The following SEMA5A variants were observed in gnomAD, a reference collection of about 807,000 sequenced individuals.
SEMA5A encodes semaphorin-5A.
In SEMA5A, 55 loss-of-function variants were observed where a neutral mutation model predicts 135.5. The observed-to-expected ratio is 0.41, with a 90% CI of 0.33 to 0.51. The LOEUF (loss-of-function observed/expected upper bound fraction) is 0.51, where lower values mean the gene tolerates loss of function less well. Ranked by LOEUF, SEMA5A falls within the 20% of genes least tolerant of loss-of-function variation. The pLI is 0.37. For synonymous variants in SEMA5A, 580 were observed against 546.5 expected (o/e 1.06, Z -0.85); for missense variants, 1,290 against 1,419.9 (o/e 0.91, Z 1.47).
At chr5:9,115,793 T>C (rs1287322454) in intron 15 of SEMA5A, among the ~76,000 whole-genome samples, 5 of 152,168 alleles carry the variant, frequency 3.3e-5, no homozygotes, top group Non-Finnish European at 7.3e-5. Flanking sequence ...CCTCCTGATA[T>C]TCATACCCTG....
At chr5:9,290,505 G>A (rs369383769) in intron 5 of SEMA5A, among the ~76,000 whole-genome samples, 1 of 152,060 alleles carries the variant, frequency 6.6e-6, no homozygotes, top group Non-Finnish European at 1.5e-5. Flanking sequence ...TATTGCATGA[G>A]TTTCTTTTGG....
intron 5 of SEMA5A, among the ~76,000 whole-genome samples, chr5:9,292,394 G>A (rs1012932775): frequency 6.6e-6 from 1 of 152,136 alleles, no homozygotes; most frequent in African/African-American, 2.4e-5. Flanking sequence ...AGAGGGAACT[G>A]AAATACAGTG....
intron 5 of SEMA5A, among the ~76,000 whole-genome samples, chr5:9,243,317 G>C (rs1748307797): frequency 6.6e-6 from 1 of 152,090 alleles, no homozygotes; most frequent in African/African-American, 2.4e-5. Flanking sequence ...CTCATCGCAT[G>C]GTGTTCTCCT....
intron 2 of SEMA5A, among the ~76,000 whole-genome samples, chr5:9,400,555 G>A (rs1756615080): frequency 2.1e-5 from 1 of 46,972 alleles, no homozygotes; most frequent in African/African-American, 1.1e-4. Flanking sequence ...CGCCCAGGCT[G>A]GAGTGCAGTG....
At chr5:9,530,886 C>T (rs183661816) in intron 1 of SEMA5A, among the ~76,000 whole-genome samples, 2 of 152,252 alleles carry the variant, frequency 1.3e-5, no homozygotes, top group East Asian at 1.9e-4. Context: ...GAGAATGTGC[C>T]GCCAGTCAGC....
At chr5:9,312,209 G>T (rs1176228795) in intron 5 of SEMA5A, among the ~76,000 whole-genome samples, 1 of 152,012 alleles carries the variant, frequency 6.6e-6, no homozygotes, top group Non-Finnish European at 1.5e-5. Flanking sequence ...AAGGCAAGAA[G>T]AAAACTTATA....
chr5:9,043,597 G>A (rs1177065494), intron 22 of SEMA5A, among the ~76,000 whole-genome samples: 1 of 152,158 alleles, frequency 6.6e-6, no homozygotes, highest in Non-Finnish European at 1.5e-5. Flanking sequence ...ACTGAGCCAG[G>A]TAGAACATAT....
rs114750189 is a variant in SEMA5A, at chr5:9,401,244, C to T, written c.-77-21221G>A. On this transcript the variant is annotated intron_variant, in intron 2 of 22. Transcript: ENST00000382496. ...GTGGATGAGCAGTATCCATAAAAGT[C>T]GCGCCACACTGCCTGGACCTATTTC... Among the ~76,000 whole-genome samples, 1,014 of 152,272 alleles carry T rather than the reference C, an allele frequency of 6.7e-3. 15 individuals carry two copies. Among genetic ancestry groups the T allele is most frequent in the African/African-American group, 0.024 (987 of 41,538 alleles).
rs1251525586 is a variant in SEMA5A at position 9,040,000 on chromosome 5, C to A, written c.*2897G>T. The A allele has an allele frequency of 2.0e-5, 3 of 152,146 alleles. No homozygotes were observed. Among genetic ancestry groups the A allele is most frequent in the Admixed American group, 2.0e-4 (3 of 15,276 alleles). 9.4% of individuals were successfully genotyped at this position (152,146 alleles called of 1,614,324 possible). On this transcript the variant is annotated 3_prime_UTR_variant, in exon 23 of 23. Transcript: ENST00000382496. Reference sequence around the variant, plus strand: ...ATTTAAATGTAAGACTAAAGCCAAGCCAGCTTCCTCATGAAAACCAGCCTA... The same window carrying A: ...ATTTAAATGTAAGACTAAAGCCAAGACAGCTTCCTCATGAAAACCAGCCTA...
intron 16 of SEMA5A, among the ~76,000 whole-genome samples, chr5:9,101,352 G>A (rs1201101619): frequency 3.3e-5 from 5 of 152,096 alleles, no homozygotes; most frequent in African/African-American, 1.2e-4. Flanking sequence ...GGACCATCTC[G>A]CTTCTTTGCT....
At position 9,464,363 on chromosome 5, in the gene SEMA5A, T is replaced by C. The variant is rs542517488; in HGVS notation, c.-174-26511A>G. ...TCCCATGTCTTACTAAGAGTATGCA[T>C]ACATACACACGTTTCCATCGGCTTA... On this transcript the variant is annotated intron_variant, in intron 1 of 22. Coordinates refer to ENST00000382496, the MANE Select transcript of SEMA5A (RefSeq NM_003966.3). Among the ~76,000 whole-genome samples the C allele has an allele frequency of 3.3e-5, 5 of 152,296 alleles. No individual in the cohort carries two copies. In the East Asian group the frequency reaches 5.8e-4, roughly 18 times the overall value.
intron 1 of SEMA5A, among the ~76,000 whole-genome samples, chr5:9,534,719 A>G (rs1737658528): frequency 6.6e-6 from 1 of 152,236 alleles, no homozygotes; most frequent in Non-Finnish European, 1.5e-5. Flanking sequence ...CCACAGGCAC[A>G]GCAGTGGCAG....
chr5:9,081,533 CTA>C (rs2150104330), intron 16 of SEMA5A, among the ~76,000 whole-genome samples: 2 of 149,456 alleles, frequency 1.3e-5, no homozygotes, highest in South Asian at 4.2e-4. Flanking sequence ...TATCCTCTCG[CTA>C]TGATATTTCT....
intron 11 of SEMA5A, among the ~76,000 whole-genome samples, chr5:9,184,720 T>C (rs1744714354): frequency 6.6e-6 from 1 of 152,198 alleles, no homozygotes; most frequent in Admixed American, 6.5e-5. Flanking sequence ...TCATTTTGTT[T>C]CTTTCATCAT....
chr5:9,051,721 G>T, intron 20 of SEMA5A, 152 bp downstream of exon 20: 1 of 815,536 alleles, frequency 1.2e-6, no homozygotes, highest in Non-Finnish European at 1.9e-6. Flanking sequence ...GTTATCTATA[G>T]ACCTACGTTT....
intron 5 of SEMA5A, among the ~76,000 whole-genome samples, chr5:9,310,240 T>C (rs1424909348): frequency 6.6e-6 from 1 of 152,032 alleles, no homozygotes; most frequent in African/African-American, 2.4e-5. Context: ...GCCATAGATG[T>C]TATGTTAAAA....
At chr5:9,453,614 G>C (rs1561265546) in intron 1 of SEMA5A, among the ~76,000 whole-genome samples, 1 of 152,174 alleles carries the variant, frequency 6.6e-6, no homozygotes, top group East Asian at 1.9e-4. Context: ...TAAATAAGTT[G>C]TTTTTAACAA....
intron 5 of SEMA5A, among the ~76,000 whole-genome samples, chr5:9,312,284 A>G (rs142280452): frequency 2.7e-4 from 41 of 151,140 alleles, no homozygotes; most frequent in African/African-American, 8.2e-4. Flanking sequence ...AACCATCACT[A>G]TGCCTGAAAA....
At chr5:9,482,040 T>G (rs1759897674) in intron 1 of SEMA5A, among the ~76,000 whole-genome samples, 1 of 152,178 alleles carries the variant, frequency 6.6e-6, no homozygotes, top group South Asian at 2.1e-4. Context: ...CAGTGCCTCA[T>G]GAAATTTCAC....
Sources: allele counts gnomAD v4.1 joint callset (sites outside exome capture counted in the v4.1 genomes callset), GRCh38; gene constraint gnomAD v4.1.1; transcripts MANE v1.5; gene names NCBI Gene and HGNC (gene_info 2026-07-23, HGNC 2026-07-21).